The following FLT1 variants were observed in gnomAD, a reference collection of about 807,000 sequenced individuals.
FLT1 encodes vascular endothelial growth factor receptor 1.
In FLT1, 49 loss-of-function variants were observed where a neutral mutation model predicts 156.3. The observed-to-expected ratio is 0.31, with a 90% CI of 0.25 to 0.40. The LOEUF is 0.40. FLT1 is among the 10% of genes least tolerant of loss of function. The pLI, the probability that FLT1 is intolerant of heterozygous loss-of-function variation, is 1.00. For missense variants in FLT1, 1,322 were observed against 1,637.2 expected (o/e 0.81, Z 3.32); for synonymous variants, 594 against 583.8 (o/e 1.02, Z -0.25).
chr13:28,389,133 A>C, intron 13 of FLT1: 2 of 1,056,050 alleles, frequency 1.9e-6, no homozygotes, highest in Non-Finnish European at 2.3e-6. Flanking sequence ...GTTCAAGATA[A>C]ATGTGCTTAA....
At chr13:28,328,820 T>G (rs2138839501) in intron 19 of FLT1, among the ~76,000 whole-genome samples, 1 of 152,274 alleles carries the variant, frequency 6.6e-6, no homozygotes. Context: ...GATGCAAAGT[T>G]GAGGCAAACA....
intron 13 of FLT1, chr13:28,387,141 A>T: frequency 9.7e-7 from 1 of 1,035,804 alleles, no homozygotes; most frequent in East Asian, 6.0e-5. Context: ...TACTACACAA[A>T]CTTCAGATGA....
rs138363615 is a variant in FLT1, at chr13:28,322,316, C to A, written c.2997G>T (p.Leu999=). The stretch of plus-strand genomic sequence containing the variant: ...TGGCCACTTGAAAACTGTAAGAAAT[C>A]AGATCTTCCATAGTGATGGGCTCCT... ...FYKEPITMED[L]ISYSFQVARG... The change falls in exon 22 of 30, where the codon CTG becomes CTT. Residue 999 remains leucine, a synonymous_variant. Coordinates refer to ENST00000282397, the MANE Select transcript of FLT1 (RefSeq NM_002019.4). This position sits in a 1 kb window ranked among gnomAD's most constrained non-coding sequence, Gnocchi z 4.3. 1 of 1,613,474 alleles carries A rather than the reference C, an allele frequency of 6.2e-7. No individual in the cohort carries two copies. The highest frequency in any genetic ancestry group is 1.3e-5 in the African/African-American group (1 of 74,914).
In FLT1 at chr13:28,386,813, C is replaced by T. The variant is rs1593732155; in HGVS notation, c.1970-1782G>A. 4 of 1,052,020 alleles carry T rather than the reference C, an allele frequency of 3.8e-6. No individual in the cohort carries two copies. In the East Asian group the frequency reaches 1.6e-4, roughly 43 times the overall value. 65.2% of individuals were successfully genotyped at this position (1,052,020 alleles called of 1,614,324 possible). On this transcript the variant is annotated intron_variant, in intron 13 of 29. Coordinates refer to ENST00000282397, the MANE Select transcript of FLT1 (RefSeq NM_002019.4). ...TCATATTATTATTTAGTCGCTTTTA[C>T]AGTGGCAAGCCAATTTTGAAATATC... is the stretch of plus-strand genomic sequence containing the variant.
intron 20 of FLT1, 68 bp from the exon 21 acceptor site, chr13:28,323,014 C>G: frequency 6.6e-7 from 1 of 1,522,256 alleles, no homozygotes; most frequent in Non-Finnish European, 9.1e-7. Context: ...ACCAGTCCCT[C>G]AACTGGCAAT....
intron 28 of FLT1, chr13:28,308,289 T>C: frequency 1.1e-5 from 2 of 178,094 alleles, no homozygotes; most frequent in South Asian, 2.6e-4. Flanking sequence ...CTCCTCCCCT[T>C]AGCCCCTCAA....
At chr13:28,433,445 A>AGTT (rs772716568) in intron 6 of FLT1, among the ~76,000 whole-genome samples, 7 of 152,346 alleles carry the variant, frequency 4.6e-5, no homozygotes, top group East Asian at 1.9e-4. Flanking sequence ...CCTCCTGGAA[A>AGTT]GTTGTTGTTG....
intron 12 of FLT1, among the ~76,000 whole-genome samples, chr13:28,391,339 G>T (rs773561261): frequency 1.3e-5 from 2 of 152,118 alleles, no homozygotes; most frequent in Non-Finnish European, 2.9e-5. Context: ...AACTGCTTAC[G>T]ACAAACCTGC....
intron 11 of FLT1, chr13:28,399,043 G>A (rs1010966669): frequency 1.3e-6 from 2 of 1,546,302 alleles, no homozygotes; most frequent in Non-Finnish European, 1.8e-6. Context: ...CCCGTTTAGA[G>A]TCACGGAAGG....
intron 10 of FLT1, among the ~76,000 whole-genome samples, chr13:28,420,088 G>T (rs964880408): frequency 6.6e-5 from 10 of 152,174 alleles, no homozygotes; most frequent in African/African-American, 2.4e-4. Context: ...AGGGGCCTTT[G>T]GCAAAAGAAC....
intron 3 of FLT1, among the ~76,000 whole-genome samples, chr13:28,458,614 A>T (rs990880912): frequency 6.6e-6 from 1 of 152,234 alleles, no homozygotes; most frequent in Non-Finnish European, 1.5e-5. Flanking sequence ...AAGTCTACCA[A>T]TGTGAGTGGC....
intron 3 of FLT1, among the ~76,000 whole-genome samples, chr13:28,454,224 G>A (rs1879136720): frequency 6.6e-6 from 1 of 152,146 alleles, no homozygotes; most frequent in South Asian, 2.1e-4. Context: ...TTCACACACA[G>A]GGATTACTAC....
chr13:28,308,475 G>A, intron 28 of FLT1: 13 of 331,814 alleles, frequency 3.9e-5, no homozygotes, highest in Middle Eastern at 1.0e-3. Flanking sequence ...GCTGCTTGCA[G>A]GAACGCGCTC....
chr13:28,492,468 G>T (rs187397061), intron 1 of FLT1, among the ~76,000 whole-genome samples: 23 of 152,306 alleles, frequency 1.5e-4, no homozygotes, highest in Middle Eastern at 3.4e-3. Context: ...TTATTTCCCA[G>T]AATGTCTGGA....
chr13:28,423,401 AC>A (rs993062630), intron 10 of FLT1, among the ~76,000 whole-genome samples: 9 of 152,060 alleles, frequency 5.9e-5, no homozygotes, highest in African/African-American at 2.2e-4. Context: ...GCCACCCTCC[AC>A]CCCAGACCTA....
At chr13:28,343,072 G>A (rs372472626) in intron 16 of FLT1, among the ~76,000 whole-genome samples, 89 of 152,016 alleles carry the variant, frequency 5.9e-4, no homozygotes, top group Middle Eastern at 6.8e-3. Flanking sequence ...TCTGCCTCCC[G>A]GGTTCAAGTG....
intron 14 of FLT1, among the ~76,000 whole-genome samples, 183 bp from the exon 15 acceptor site, chr13:28,357,868 CTTTT>C (rs57304530): frequency 2.5e-4 from 26 of 104,726 alleles, no homozygotes; most frequent in African/African-American, 4.8e-4. Context: ...CTTTTCTTTC[CTTTT>C]TTTTTTTTTT....
intron 14 of FLT1, among the ~76,000 whole-genome samples, chr13:28,363,417 C>A (rs1261341220): frequency 3.3e-5 from 5 of 152,140 alleles, no homozygotes; most frequent in Non-Finnish European, 7.4e-5. Flanking sequence ...CCAGAGGTAC[C>A]TGAAATTGTA....
intron 14 of FLT1, among the ~76,000 whole-genome samples, chr13:28,365,092 C>T (rs549124465): frequency 6.6e-6 from 1 of 152,208 alleles, no homozygotes; most frequent in South Asian, 2.1e-4. Flanking sequence ...CTTTGACGTA[C>T]AAAAATGGCA....
Sources: gnomAD v4.1 joint callset for allele counts (sites outside exome capture counted in the v4.1 genomes callset) on GRCh38, gnomAD v4.1.1 for gene constraint, Gnocchi (gnomAD v3.1) non-coding constraint, MANE v1.5 for transcripts, NCBI Gene and HGNC (gene_info 2026-07-23, HGNC 2026-07-21) for gene names.